CSMD3: variants seen among roughly 807,000 people sequenced by gnomAD.
CSMD3 encodes CUB and Sushi multiple domains 3, also known as CUB and sushi domain-containing protein 3.
In CSMD3, 177 loss-of-function variants were observed where a neutral mutation model predicts 435.2. That is an observed-to-expected ratio of 0.41 (90% CI 0.36 to 0.46). CSMD3 has a LOEUF of 0.46. CSMD3 is among the 20% of genes least tolerant of loss of function. CSMD3 has a pLI of 0.34. For missense variants in CSMD3, 4,265 were observed against 4,504.6 expected, an observed-to-expected ratio of 0.95 and a Z score of 1.52; for synonymous variants, 1,656 against 1,520.5, an observed-to-expected ratio of 1.09 and a Z score of -2.07.
At chr8:112,468,213 TCTC>T (rs895244357) in intron 32 of CSMD3, among the ~76,000 whole-genome samples, 9 of 151,086 alleles carry the variant, frequency 6.0e-5, no homozygotes, top group African/African-American at 2.2e-4. Flanking sequence ...TAAAATTTCA[TCTC>T]CTCCAATTGC....
At chr8:112,588,622 T>C (rs920466181) in intron 22 of CSMD3, among the ~76,000 whole-genome samples, 1 of 151,982 alleles carries the variant, frequency 6.6e-6, no homozygotes, top group Non-Finnish European at 1.5e-5. Flanking sequence ...ACAAAAACAA[T>C]AAAATAAAAA....
chr8:112,802,382 G>A (rs1015661392), intron 12 of CSMD3, among the ~76,000 whole-genome samples: 15 of 151,778 alleles, frequency 9.9e-5, no homozygotes, highest in Non-Finnish European at 1.9e-4. Context: ...TTAAAGCCTA[G>A]GTACTTAGTA....
At chr8:112,827,476 A>C (rs931225754) in intron 12 of CSMD3, among the ~76,000 whole-genome samples, 1 of 151,982 alleles carries the variant, frequency 6.6e-6, no homozygotes, top group Non-Finnish European at 1.5e-5. Context: ...CCTAAAATCC[A>C]GTTTTCTGTC....
chr8:113,098,919 T>C lies in CSMD3; in HGVS notation c.754A>G (p.Ile252Val). The change falls in exon 5 of 71, where the codon ATA becomes GTA. Residue 252 changes from isoleucine (I) to valine (V), a missense_variant. Physicochemically the swap from Ile to Val is conservative, Grantham distance 29. Transcript: ENST00000297405. Reference sequence around the variant, plus strand: ...TCATTAGGAAAACTAGGGCTGGATATGATGCCACTGGATCCTCTCATTGTT... The same window carrying C: ...TCATTAGGAAAACTAGGGCTGGATACGATGCCACTGGATCCTCTCATTGTT... ...GGTMRGSSGIISSPSFPNEYH... is the reference protein window; with the variant it reads ...GGTMRGSSGIVSSPSFPNEYH... 1.2e-6 allele frequency: 2 copies of C among 1,612,600 alleles called. No individual in the cohort carries two copies. Among genetic ancestry groups the C allele is most frequent in the African/African-American group, 1.3e-5 (1 of 74,952 alleles).
At chr8:113,259,573 G>A (rs2093410469) in intron 3 of CSMD3, among the ~76,000 whole-genome samples, 2 of 148,080 alleles carry the variant, frequency 1.4e-5, no homozygotes, top group Non-Finnish European at 3.0e-5. Context: ...CATGAGTGTA[G>A]GTAGAGATGA....
At chr8:112,319,394 G>T (rs550713688) in intron 46 of CSMD3, among the ~76,000 whole-genome samples, 1 of 151,904 alleles carries the variant, frequency 6.6e-6, no homozygotes, top group African/African-American at 2.4e-5. Flanking sequence ...AGATGTCTTC[G>T]TATATAATTT....
chr8:113,435,414 G>T (rs949856554), intron 1 of CSMD3, among the ~76,000 whole-genome samples: 5 of 152,146 alleles, frequency 3.3e-5, no homozygotes, highest in Non-Finnish European at 4.4e-5. Flanking sequence ...CCCAAAACAT[G>T]AATTATCATT....
At chr8:113,408,391 T>C (rs1392913560) in intron 1 of CSMD3, among the ~76,000 whole-genome samples, 1 of 152,054 alleles carries the variant, frequency 6.6e-6, no homozygotes, top group East Asian at 1.9e-4. Context: ...GAAATAAAAT[T>C]TGCAACACTA....
At chr8:113,184,518 T>C (rs913718743) in intron 3 of CSMD3, among the ~76,000 whole-genome samples, 1 of 151,996 alleles carries the variant, frequency 6.6e-6, no homozygotes, top group African/African-American at 2.4e-5. Flanking sequence ...AGGAGTTGTA[T>C]GCCAAAAAAA....
intron 13 of CSMD3, among the ~76,000 whole-genome samples, chr8:112,795,660 C>T (rs898714164): frequency 3.3e-5 from 5 of 152,028 alleles, no homozygotes; most frequent in Non-Finnish European, 7.4e-5. Flanking sequence ...AATTCAAGAA[C>T]GCACCTGAGT....
intron 11 of CSMD3, among the ~76,000 whole-genome samples, chr8:112,853,790 AT>A (rs749648584): frequency 2.6e-5 from 4 of 152,150 alleles, no homozygotes; most frequent in Non-Finnish European, 5.9e-5. Context: ...TACTGTGCTA[AT>A]TATTTATCTG....
chr8:113,106,769 A>T (rs1220418269), intron 4 of CSMD3, among the ~76,000 whole-genome samples: 1 of 152,156 alleles, frequency 6.6e-6, no homozygotes, highest in African/African-American at 2.4e-5. Flanking sequence ...CATGTAGCTG[A>T]ATTCTGATTA....
chr8:113,300,935 T>C (rs1046238946), intron 2 of CSMD3, among the ~76,000 whole-genome samples: 1 of 152,098 alleles, frequency 6.6e-6, no homozygotes, highest in African/African-American at 2.4e-5. Flanking sequence ...TGCCACAGCA[T>C]GGATAACTCT....
At chr8:112,767,513 T>C (rs1006897799) in intron 13 of CSMD3, among the ~76,000 whole-genome samples, 1 of 151,766 alleles carries the variant, frequency 6.6e-6, no homozygotes, top group Non-Finnish European at 1.5e-5. Flanking sequence ...ACTTAACCTC[T>C]CTATGCCTCA....
intron 46 of CSMD3, among the ~76,000 whole-genome samples, chr8:112,319,508 G>A (rs1008580270): frequency 6.6e-6 from 1 of 152,004 alleles, no homozygotes; most frequent in African/African-American, 2.4e-5. Flanking sequence ...TCCAAGATAT[G>A]GAAATGAAAT....
At chr8:112,877,001 A>C (rs756641764) in intron 10 of CSMD3, among the ~76,000 whole-genome samples, 2 of 152,148 alleles carry the variant, frequency 1.3e-5, no homozygotes, top group Non-Finnish European at 2.9e-5. Flanking sequence ...GTGAACTCCC[A>C]TTCACAATTG....
At chr8:113,283,229 T>C (rs1041658116) in intron 2 of CSMD3, among the ~76,000 whole-genome samples, 5 of 151,814 alleles carry the variant, frequency 3.3e-5, no homozygotes, top group African/African-American at 7.3e-5. Flanking sequence ...CAAATATAAA[T>C]AGCTGGGACC....
chr8:112,673,881 T>C (rs1055201025), intron 16 of CSMD3, among the ~76,000 whole-genome samples: 1 of 152,142 alleles, frequency 6.6e-6, no homozygotes, highest in Non-Finnish European at 1.5e-5. Flanking sequence ...AAGGGAGTTC[T>C]TGCTTGAGTA....
intron 22 of CSMD3, among the ~76,000 whole-genome samples, chr8:112,593,743 T>A (rs567226225): frequency 6.6e-6 from 1 of 152,054 alleles, no homozygotes; most frequent in Non-Finnish European, 1.5e-5. Flanking sequence ...AAAGAGAAGA[T>A]AGTTTTAAGA....
Sources: gnomAD v4.1 joint callset for allele counts (sites outside exome capture counted in the v4.1 genomes callset) on GRCh38, gnomAD v4.1.1 for gene constraint, MANE v1.5 for transcripts, NCBI Gene and HGNC (gene_info 2026-07-23, HGNC 2026-07-21) for gene names.